GFPT2: variants seen among roughly 807,000 people sequenced by gnomAD.
GFPT2 encodes glutamine--fructose-6-phosphate transaminase 2, also known as glutamine--fructose-6-phosphate aminotransferase [isomerizing] 2.
A neutral mutation model predicts 85.6 loss-of-function variants in GFPT2; 62 were observed. The observed-to-expected ratio is 0.72, with a 90% CI of 0.59 to 0.90. The LOEUF is 0.90. GFPT2 is among the 40% of genes least tolerant of loss of function. The pLI, the probability that GFPT2 is intolerant of heterozygous loss-of-function variation, is 0.00. For missense variants in GFPT2, 788 were observed against 893.4 expected, an observed-to-expected ratio of 0.88 and a Z score of 1.50; for synonymous variants, 368 against 344.5, an observed-to-expected ratio of 1.07 and a Z score of -0.75.
At chr5:180,346,333 C>G (rs1024895964) in intron 1 of GFPT2, among the ~76,000 whole-genome samples, 10 of 152,204 alleles carry the variant, frequency 6.6e-5, no homozygotes, top group African/African-American at 2.4e-4. Flanking sequence ...ATAGCTCACA[C>G]AGAGGGTCCC....
Position 180,313,830 on chromosome 5 carries a change from C to A in GFPT2, c.1408G>T (p.Glu470Ter). The A allele has an allele frequency of 1.3e-6, 2 of 1,577,972 alleles. No individual in the cohort carries two copies. The highest frequency in any genetic ancestry group is 1.7e-6 in the Non-Finnish European group (2 of 1,165,782). ...DCGVHINAGP[E>*]IGVASTKAYT... ...ACCTTGGTGCTGGCCACGCCGATCT[C>A]CGGCCCTGCGTTGATGTGGACGCCG... The change falls in exon 14 of 19, where the codon GAG becomes TAG. Residue 470 changes from glutamate (E) to a stop codon, truncating the protein, a stop_gained. Transcript: ENST00000253778. LOFTEE classifies it high-confidence loss of function.
chr5:180,337,958 C>A (rs754124286), intron 2 of GFPT2, among the ~76,000 whole-genome samples: 1 of 152,038 alleles, frequency 6.6e-6, no homozygotes, highest in Non-Finnish European at 1.5e-5. Flanking sequence ...CACAGTGAGA[C>A]CTCATCTCTA....
intron 4 of GFPT2, among the ~76,000 whole-genome samples, chr5:180,335,442 C>T (rs1278679509): frequency 6.6e-6 from 1 of 152,226 alleles, no homozygotes; most frequent in Non-Finnish European, 1.5e-5. Flanking sequence ...AGGACAGAAC[C>T]CATCCTTGCC....
intron 15 of GFPT2, among the ~76,000 whole-genome samples, chr5:180,307,743 A>G (rs1763808149): frequency 6.6e-6 from 1 of 152,200 alleles, no homozygotes; most frequent in Non-Finnish European, 1.5e-5. Flanking sequence ...AAATTATTGC[A>G]AGTCCCTCAA....
intron 7 of GFPT2, among the ~76,000 whole-genome samples, 157 bp from the exon 8 acceptor site, chr5:180,325,052 G>A (rs1764188565): frequency 6.6e-6 from 1 of 152,146 alleles, no homozygotes; most frequent in South Asian, 2.1e-4. Context: ...AGCACAGGAT[G>A]GAAAGGCCAG....
chr5:180,334,164 A>C (rs940928344), intron 4 of GFPT2, among the ~76,000 whole-genome samples: 4 of 152,212 alleles, frequency 2.6e-5, no homozygotes, highest in African/African-American at 9.7e-5. Flanking sequence ...CCCAAGGAAG[A>C]GGCCCTCGCA....
In GFPT2 at chr5:180,330,850, G is replaced by T. The variant is rs767619624; in HGVS notation, c.400-16C>A. On this transcript the variant is annotated splice_polypyrimidine_tract_variant and intron_variant, in intron 5 of 18. Coordinates refer to ENST00000253778, the MANE Select transcript of GFPT2 (RefSeq NM_005110.4). The surrounding 1 kb of genome is among the most constrained non-coding windows in gnomAD (Gnocchi z 4.4). Reference sequence around the variant, plus strand: ...CTTTGCTTTCCTGGAATATGCAGTCGGCACAGTGTGAGAGATTGGTCATTG... The same window carrying T: ...CTTTGCTTTCCTGGAATATGCAGTCTGCACAGTGTGAGAGATTGGTCATTG... 1 of 1,612,910 alleles carries T rather than the reference G, an allele frequency of 6.2e-7. No individual in the cohort carries two copies. Among genetic ancestry groups the T allele is most frequent in the South Asian group, 1.1e-5 (1 of 90,958 alleles).
At chr5:180,302,949 G>C (rs1763705349) in intron 17 of GFPT2, among the ~76,000 whole-genome samples, 1 of 152,198 alleles carries the variant, frequency 6.6e-6, no homozygotes. Context: ...TGAATTCCAG[G>C]CCGGGCGTGG....
At chr5:180,324,387 T>C in intron 8 of GFPT2, 82 bp from the exon 9 acceptor site, 1 of 834,788 alleles carries the variant, frequency 1.2e-6, no homozygotes, top group Non-Finnish European at 2.0e-6. Context: ...ATTTCCCCTC[T>C]GAATATGTGT....
intron 4 of GFPT2, among the ~76,000 whole-genome samples, chr5:180,333,533 C>T (rs956765232): frequency 2.0e-5 from 3 of 152,314 alleles, no homozygotes; most frequent in South Asian, 2.1e-4. Flanking sequence ...CATGCCTGGC[C>T]GGTGATATTG....
At chr5:180,332,264 G>A (rs1167503343) in intron 4 of GFPT2, among the ~76,000 whole-genome samples, 1 of 124,146 alleles carries the variant, frequency 8.1e-6, no homozygotes, top group South Asian at 2.6e-4. Flanking sequence ...GCAGGGGGAT[G>A]CGGGGGATGC....
At chr5:180,353,105 C>A (rs935329859) in intron 1 of GFPT2, 106 bp downstream of exon 1, 3 of 976,774 alleles carry the variant, frequency 3.1e-6, no homozygotes, top group Admixed American at 4.4e-5. Context: ...TCGGCGCCCC[C>A]AGCCAGGTCC....
intron 4 of GFPT2, among the ~76,000 whole-genome samples, chr5:180,334,754 G>A (rs987835913): frequency 9.2e-5 from 14 of 152,176 alleles, no homozygotes; most frequent in African/African-American, 3.1e-4. Flanking sequence ...CTAGAGTGGG[G>A]GACCCCCTGG....
intron 15 of GFPT2, 24 bp from the exon 16 acceptor site, chr5:180,307,327 G>T (rs749874923): frequency 3.7e-6 from 6 of 1,612,728 alleles, no homozygotes; most frequent in Non-Finnish European, 5.1e-6. Context: ...GGAGCAGAGG[G>T]AGAAAACCAG....
intron 7 of GFPT2, among the ~76,000 whole-genome samples, chr5:180,327,770 G>C (rs1764235483): frequency 6.6e-6 from 1 of 152,126 alleles, no homozygotes; most frequent in Non-Finnish European, 1.5e-5. Flanking sequence ...GTAACAGAGG[G>C]ACACATTGGG....
At chr5:180,302,804 T>C (rs561752904) in intron 17 of GFPT2, among the ~76,000 whole-genome samples, 12 of 152,266 alleles carry the variant, frequency 7.9e-5, no homozygotes, top group African/African-American at 2.6e-4. Context: ...GGTAAGGAGA[T>C]TGCCATCCTG....
intron 12 of GFPT2, 57 bp downstream of exon 12, chr5:180,316,707 G>T: frequency 8.2e-7 from 1 of 1,223,678 alleles, no homozygotes; most frequent in Non-Finnish European, 1.2e-6. Context: ...AAAACTGAAG[G>T]CCAGTGTCTG....
intron 9 of GFPT2, among the ~76,000 whole-genome samples, chr5:180,322,824 C>G (rs1429905691): frequency 4.6e-5 from 7 of 152,064 alleles, no homozygotes; most frequent in Admixed American, 4.6e-4. Context: ...ATCATGAGGT[C>G]AGGAGATGGA....
chr5:180,302,242 G>T (rs1243926843), intron 18 of GFPT2, among the ~76,000 whole-genome samples, 181 bp downstream of exon 18: 1 of 150,770 alleles, frequency 6.6e-6, no homozygotes, highest in African/African-American at 2.4e-5. Context: ...AGCCGAGGTT[G>T]TGCCACTGCC....
Sources: allele counts gnomAD v4.1 joint callset (sites outside exome capture counted in the v4.1 genomes callset), GRCh38; gene constraint gnomAD v4.1.1; non-coding constraint Gnocchi (gnomAD v3.1); transcripts MANE v1.5; gene names NCBI Gene and HGNC (gene_info 2026-07-23, HGNC 2026-07-21).